The following SPTBN1 variants were observed in gnomAD, a reference collection of about 807,000 sequenced individuals.
SPTBN1 encodes the protein spectrin beta, non-erythrocytic 1.
A neutral mutation model predicts 266.4 loss-of-function variants in SPTBN1; 32 were observed. That is an observed-to-expected ratio of 0.12 (90% CI 0.09 to 0.16). The LOEUF is 0.16. SPTBN1 is among the 10% of genes least tolerant of loss of function. The pLI is 1.00. For synonymous variants in SPTBN1, 1,336 were observed against 1,162.2 expected (o/e 1.15, Z -3.04); for missense variants, 2,296 against 3,067.1 (o/e 0.75, Z 5.94).
At position 54,668,600 on chromosome 2, in the gene SPTBN1, T is replaced by G; in HGVS notation, c.*31T>G. The G allele has an allele frequency of 2.5e-6, 4 of 1,569,090 alleles. No individual in the cohort carries two copies. The highest frequency in any genetic ancestry group is 2.6e-6 in the Non-Finnish European group (3 of 1,155,010). On this transcript the variant is annotated 3_prime_UTR_variant, in exon 36 of 36. Transcript: ENST00000356805. ...TTTCCTTCACCTCCTGCCCTTCTCTTACCTTTTCAGTGAAATTCCAGCATG... is the reference window on the plus strand; with the variant it reads ...TTTCCTTCACCTCCTGCCCTTCTCTGACCTTTTCAGTGAAATTCCAGCATG...
chr2:54,666,543 G>A (rs1011485130), intron 34 of SPTBN1, among the ~76,000 whole-genome samples: 2 of 152,166 alleles, frequency 1.3e-5, no homozygotes, highest in African/African-American at 4.8e-5. Context: ...TGTTTGGGTG[G>A]GGCCTGGGAC....
Position 54,624,981 on chromosome 2 carries a change from T to C in SPTBN1, c.1341+19T>C, listed in dbSNP as rs1678230410. ...GTCTCAGGTTCTGCTCTTGACATTATTAAAAAGACTGTTGCTAGGGTAATC... is the reference window on the plus strand; with the variant it reads ...GTCTCAGGTTCTGCTCTTGACATTACTAAAAAGACTGTTGCTAGGGTAATC... On this transcript the variant is annotated intron_variant, in intron 11 of 35. Transcript: ENST00000356805. 1.9e-6 allele frequency: 3 copies of C among 1,561,686 alleles called. No individual in the cohort carries two copies. The African/African-American group carries it at 4.1e-5, about 22-fold the overall frequency.
chr2:54,666,012 G>T lies in SPTBN1; in HGVS notation c.6757G>T (p.Val2253Phe), dbSNP rs1223819042. The T allele has an allele frequency of 1.9e-6, 3 of 1,614,022 alleles. No individual in the cohort carries two copies. The highest frequency in any genetic ancestry group is 2.2e-5 in the East Asian group (1 of 44,886). The change falls in exon 34 of 36, where the codon GTC becomes TTC. Residue 2253 changes from valine to phenylalanine, a missense_variant. By Grantham distance (50) the Val-to-Phe change is conservative (BLOSUM62 -1). Transcript: ENST00000356805. ...TTCTGGAATTCCCTACCACAGCGAGGTCCCTGTGAGTTTGAAAGAAGCTGT... is the reference window on the plus strand; with the variant it reads ...TTCTGGAATTCCCTACCACAGCGAGTTCCCTGTGAGTTTGAAAGAAGCTGT... ...AASGIPYHSE[V>F]PVSLKEAVCE...
rs150847308 is a variant in SPTBN1, at chr2:54,645,996, G to C, written c.4563G>C (p.Gln1521His). 1.2e-6 allele frequency: 2 copies of C among 1,614,092 alleles called. No homozygotes were observed. The highest frequency in any genetic ancestry group is 1.3e-5 in the African/African-American group (1 of 74,930). Residue 1521 changes from glutamine (Q) to histidine (H), a missense_variant, in exon 22 of 36, where the codon CAG (glutamine) becomes CAC (histidine). Physicochemically the swap from Gln to His is conservative, Grantham distance 24 (BLOSUM62 0). Around this residue, in one of 12 missense-constraint regions of SPTBN1, gnomAD observed 644 missense variants for 745.3 expected, o/e 0.86. Coordinates refer to ENST00000356805, the MANE Select transcript of SPTBN1 (RefSeq NM_003128.3). This position sits in a 1 kb window ranked among gnomAD's most constrained non-coding sequence, Gnocchi z 4.3. ...ATGGCCACAACCTCCAGACTGTGCA[G>C]CTGTTAATAAAGAAAAATCAGGTAA... ...TDHGHNLQTV[Q>H]LLIKKNQTLQ... is the part of the protein sequence containing the mutation.
rs200669658 is a variant in SPTBN1, at chr2:54,657,887, G to A, written c.6084G>A (p.Val2028=). ...ATCAGTTCTCAAGAGACGCCAGTGT[G>A]GCCGAGGCCTGGCTGCTTGGACAGG... ...EVHQFSRDAS[V]AEAWLLGQEP... The change falls in exon 30 of 36, where the codon GTG becomes GTA. Residue 2028 remains valine (V), a synonymous_variant. Transcript: ENST00000356805. 56 of 1,614,240 alleles carry A rather than the reference G, an allele frequency of 3.5e-5. No individual in the cohort carries two copies. The East Asian group carries it at 1.2e-3, about 35-fold the overall frequency.
At chr2:54,511,199 A>G (rs993674265) in intron 1 of SPTBN1, among the ~76,000 whole-genome samples, 1 of 152,166 alleles carries the variant, frequency 6.6e-6, no homozygotes, top group Non-Finnish European at 1.5e-5. Context: ...TTTTTCTTGT[A>G]TACTCATGTT....
rs765254581 is a variant in SPTBN1, at chr2:54,659,233, A to G, written c.6323A>G (p.Lys2108Arg). The G allele has an allele frequency of 1.9e-6, 3 of 1,613,956 alleles. No individual in the cohort carries two copies. Among genetic ancestry groups the G allele is most frequent in the South Asian group, 1.1e-5 (1 of 91,074 alleles). The change falls in exon 31 of 36, where the codon AAG (lysine) becomes AGG (arginine). Residue 2108 changes from lysine (K) to arginine (R), a missense_variant. This residue lies in a region of SPTBN1 where 347 missense variants were observed against 368.5 expected (regional missense o/e 0.94). Coordinates refer to ENST00000356805, the MANE Select transcript of SPTBN1 (RefSeq NM_003128.3). ...CCGCCTTCTCCCGAGCCGAGCACGA[A>G]GGTTTCAGAGGAAGCCGAGTCCCAG... is the stretch of plus-strand genomic sequence containing the variant. ...RRPPSPEPST[K>R]VSEEAESQQQ... is the part of the protein sequence containing the mutation.
chr2:54,527,701 C>T (rs1234782568), intron 2 of SPTBN1: 3 of 152,222 alleles, frequency 2.0e-5, no homozygotes, highest in African/African-American at 7.2e-5. Flanking sequence ...GCCCCAGGTC[C>T]CTGGCCCCCT....
At chr2:54,611,587 T>A (rs80162829) in intron 3 of SPTBN1, among the ~76,000 whole-genome samples, 1,916 of 152,260 alleles carry the variant, frequency 0.013, 38 homozygotes, top group African/African-American at 0.044. Context: ...GTATTTAAAT[T>A]GCACTACACT....
chr2:54,534,030 CTCG>C (rs1671445888), intron 2 of SPTBN1, among the ~76,000 whole-genome samples: 1 of 152,188 alleles, frequency 6.6e-6, no homozygotes, highest in African/African-American at 2.4e-5. Context: ...GGACCTGAGT[CTCG>C]TCGTGGCTGC....
Position 54,571,592 on chromosome 2 carries a change from C to T in SPTBN1, c.149-27500C>T, listed in dbSNP as rs1274258882. 8.0e-3 allele frequency among the ~76,000 whole-genome samples: 821 copies of T among 103,206 alleles called. 3 individuals carry two copies. The highest frequency in any genetic ancestry group is 0.012 in the Non-Finnish European group (617 of 49,862). The allele number at this position is 103,206 out of a possible 152,430, so 67.7% of individuals were successfully genotyped here. The stretch of plus-strand genomic sequence containing the variant: ...ACACACACATACACACACACACACA[C>T]ACACACACATATCTATAAATAAAGG... On this transcript the variant is annotated intron_variant, in intron 2 of 35. Coordinates refer to ENST00000356805, the MANE Select transcript of SPTBN1 (RefSeq NM_003128.3).
Position 54,473,870 on chromosome 2 carries a change from G to C in SPTBN1, c.-48+17352G>C, listed in dbSNP as rs116607130. 2.7e-3 allele frequency among the ~76,000 whole-genome samples: 409 copies of C among 152,270 alleles called. 3 individuals are homozygous for C. Among genetic ancestry groups the C allele is most frequent in the African/African-American group, 8.6e-3 (356 of 41,548 alleles). ...CTCCTCGTCTGTATGCCTTGTACTGGCACAAGCTTATAGGACTAGGAACAA... is the reference window on the plus strand; with the variant it reads ...CTCCTCGTCTGTATGCCTTGTACTGCCACAAGCTTATAGGACTAGGAACAA... On this transcript the variant is annotated intron_variant, in intron 1 of 35. Transcript: ENST00000356805.
chr2:54,525,263 T>TA (rs1488163102), intron 1 of SPTBN1, among the ~76,000 whole-genome samples: 1 of 152,164 alleles, frequency 6.6e-6, no homozygotes, highest in African/African-American at 2.4e-5. Context: ...TTTTTTTTTT[T>TA]ATTGGAGTTT....
Position 54,664,635 on chromosome 2 carries a change from A to G in SPTBN1, c.6603A>G (p.Glu2201=). 2 of 1,614,208 alleles carry G rather than the reference A, an allele frequency of 1.2e-6. No homozygotes were observed. The highest frequency in any genetic ancestry group is 1.1e-5 in the South Asian group (1 of 91,088). The change falls in exon 33 of 36, where the codon GAA becomes GAG. Residue 2201 remains glutamate (E), a synonymous_variant. Transcript: ENST00000356805. This position sits in a 1 kb window ranked among gnomAD's most constrained non-coding sequence, Gnocchi z 5.6. ...AGGAGACACCTTCGGCCCAGATGGA[A>G]GGCTTCCTCAATCGGAAACACGAGT... ...RTQETPSAQM[E]GFLNRKHEWE...
intron 16 of SPTBN1, 82 bp downstream of exon 16, chr2:54,631,693 G>C (rs1264207746): frequency 9.9e-6 from 15 of 1,510,870 alleles, no homozygotes; most frequent in Admixed American, 1.9e-5. Context: ...GGGGCAGCTG[G>C]TTTAAACCAC....
intron 1 of SPTBN1, among the ~76,000 whole-genome samples, chr2:54,509,245 A>G (rs13036147): frequency 0.14 from 21,849 of 152,158 alleles, 1,636 homozygotes; most frequent in Middle Eastern, 0.19. Flanking sequence ...GATCAGAGAG[A>G]TACAGTCATG....
At chr2:54,552,277 G>A (rs749646369) in intron 2 of SPTBN1, among the ~76,000 whole-genome samples, 3 of 152,098 alleles carry the variant, frequency 2.0e-5, no homozygotes, top group Non-Finnish European at 4.4e-5. Flanking sequence ...TTATAGCCAC[G>A]AGGACTGTAC....
In SPTBN1 at chr2:54,647,240, T is replaced by G. The variant is rs976104744; in HGVS notation, c.4976T>G (p.Val1659Gly). The change falls in exon 24 of 36, where the codon GTG becomes GGG. Residue 1659 changes from valine (V) to glycine (G), a missense_variant. This residue lies in a region of SPTBN1 where 644 missense variants were observed against 745.3 expected (regional missense o/e 0.86). Transcript: ENST00000356805. ...CTCTCCAAGACCAGCCGGGCCCTGGTGGCCGACAGCCATCCTGAAAGGTGA... is the reference window on the plus strand; with the variant it reads ...CTCTCCAAGACCAGCCGGGCCCTGGGGGCCGACAGCCATCCTGAAAGGTGA... Reference protein sequence around the residue: ...HQLSKTSRALVADSHPESERI... With the variant: ...HQLSKTSRALGADSHPESERI... The G allele has an allele frequency of 6.2e-7, 1 of 1,613,904 alleles. No homozygotes were observed. Among genetic ancestry groups the G allele is most frequent in the Non-Finnish European group, 8.5e-7 (1 of 1,180,036 alleles).
chr2:54,476,104 C>G (rs949097968), intron 1 of SPTBN1, among the ~76,000 whole-genome samples: 1 of 152,028 alleles, frequency 6.6e-6, no homozygotes, highest in African/African-American at 2.4e-5. Flanking sequence ...TAACAAAGAT[C>G]TCCAGAATCT....
Sources: gnomAD v4.1 joint callset for allele counts (sites outside exome capture counted in the v4.1 genomes callset) on GRCh38, gnomAD v4.1.1 for gene constraint, gnomAD v4.1.1 regional missense constraint, Gnocchi (gnomAD v3.1) non-coding constraint, MANE v1.5 for transcripts, NCBI Gene and HGNC (gene_info 2026-07-23, HGNC 2026-07-21) for gene names.